PDGFB: variants seen among roughly 807,000 people sequenced by gnomAD.
PDGFB encodes the protein platelet-derived growth factor subunit B.
In PDGFB, 6 loss-of-function variants were observed where a neutral mutation model predicts 29.0. The ratio of observed to expected loss-of-function variants is 0.21; its 90% confidence interval spans 0.11 to 0.41. The LOEUF (loss-of-function observed/expected upper bound fraction) is 0.41, where lower values mean the gene tolerates loss of function less well. Ranked by LOEUF, PDGFB falls within the 10% of genes least tolerant of loss-of-function variation. The pLI is 1.00. For missense variants in PDGFB, 299 were observed against 341.8 expected (o/e 0.87, Z 0.99); for synonymous variants, 144 against 140.8 (o/e 1.02, Z -0.16).
chr22:39,233,439 G>T lies in PDGFB; in HGVS notation c.246C>A (p.Ser82Arg). Residue 82 changes from serine to arginine, a missense_variant, in exon 3 of 7, where the codon AGC (serine) becomes AGA (arginine). Transcript: ENST00000331163. ...TGTTGGGTGTCTCAGTCTTACCCAG[G>T]CTCCTTCTTCCACGAGCCAAGCTCT... ...ELESLARGRR[S>R]LGSLTIAEPA... 6.3e-7 allele frequency: 1 copy of T among 1,594,904 alleles called. No individual in the cohort carries two copies. Among genetic ancestry groups the T allele is most frequent in the Non-Finnish European group, 8.5e-7 (1 of 1,171,204 alleles).
intron 1 of PDGFB, chr22:39,240,905 T>C (rs754577424): frequency 1.2e-6 from 2 of 1,603,750 alleles, no homozygotes; most frequent in Non-Finnish European, 1.7e-6. Flanking sequence ...TCTCTCTCTC[T>C]CTCTCTCTCA....
At chr22:39,241,146 G>A (rs1044055259) in intron 1 of PDGFB, 15 of 546,422 alleles carry the variant, frequency 2.7e-5, no homozygotes, top group South Asian at 6.7e-5. Flanking sequence ...GGCCAGACGC[G>A]TCACGTGACA....
At position 39,223,896 on chromosome 22, in the gene PDGFB, TCTTTTCCCTTCTCTCCC is replaced by T. The variant is rs1279169339; in HGVS notation, c.*1429_*1445del. The T allele has an allele frequency of 6.6e-6, 1 of 152,100 alleles. No individual in the cohort carries two copies. Among genetic ancestry groups the T allele is most frequent in the Non-Finnish European group, 1.5e-5 (1 of 68,020 alleles). The allele number at this position is 152,100 out of a possible 1,614,324, so 9.4% of individuals were successfully genotyped here. The stretch of plus-strand genomic sequence containing the variant: ...ATCCCACCCCAGGGGGTCTTGGGGA[TCTTTTCCCTTCTCTCCC>T]CCATTCCCAGCCCACGAGCTGGTTT... On this transcript the variant is annotated 3_prime_UTR_variant, in exon 7 of 7. Transcript: ENST00000331163.
chr22:39,236,518 G>A (rs6001512), intron 1 of PDGFB, among the ~76,000 whole-genome samples: 8,222 of 152,308 alleles, frequency 0.054, 335 homozygotes, highest in Non-Finnish European at 0.079. Flanking sequence ...AAGCTTACCC[G>A]TGCCCTGTGC....
In PDGFB at chr22:39,237,055, C is replaced by T. The variant is rs906095931; in HGVS notation, c.64-1181G>A. Among the ~76,000 whole-genome samples the T allele has an allele frequency of 2.0e-5, 3 of 152,092 alleles. No homozygotes were observed. The South Asian group carries it at 6.2e-4, about 32-fold the overall frequency. ...ATTCCCGGAGCCGAAGGTCGGGGGGCTCAGAGGGGGTCGGTGCAGGCTACC... is the reference window on the plus strand; with the variant it reads ...ATTCCCGGAGCCGAAGGTCGGGGGGTTCAGAGGGGGTCGGTGCAGGCTACC... On this transcript the variant is annotated intron_variant, in intron 1 of 6. Transcript: ENST00000331163.
intron 1 of PDGFB, among the ~76,000 whole-genome samples, chr22:39,238,627 G>A (rs1932499693): frequency 6.6e-6 from 1 of 152,250 alleles, no homozygotes; most frequent in South Asian, 2.1e-4. Context: ...CAATTAGCAA[G>A]TGGCAGAGCT....
At chr22:39,229,564 C>T (rs900483379) in intron 5 of PDGFB, among the ~76,000 whole-genome samples, 2 of 152,176 alleles carry the variant, frequency 1.3e-5, no homozygotes, top group Non-Finnish European at 2.9e-5. Flanking sequence ...AGTTGATGTG[C>T]GCGGAGCTTT....
chr22:39,235,781 C>G lies in PDGFB; in HGVS notation c.157G>C (p.Gly53Arg). 1 of 1,610,910 alleles carries G rather than the reference C, an allele frequency of 6.2e-7. No individual in the cohort carries two copies. ...GCGGGGCGAGGATTCCATTTACCTC[C>G]GGGGTCTCCGTGCAGCAGGCGTTGG... Reference protein sequence around the residue: ...DLQRLLHGDPGEEDGAELDLN... With the variant: ...DLQRLLHGDPREEDGAELDLN... The change falls in exon 2 of 7, where the codon GGA becomes CGA. Residue 53 changes from glycine (G) to arginine (R), a missense_variant. By Grantham distance (125) the Gly-to-Arg change is moderately radical. Transcript: ENST00000331163.
At position 39,242,789 on chromosome 22, in the gene PDGFB, C is replaced by T. The variant is rs937538632; in HGVS notation, c.63+1112G>A. 3.0e-5 allele frequency: 7 copies of T among 230,906 alleles called. No individual in the cohort carries two copies. The highest frequency in any genetic ancestry group is 5.1e-5 in the Non-Finnish European group (6 of 116,562). 14.3% of individuals were successfully genotyped at this position (230,906 alleles called of 1,614,324 possible). ...CGCAGGGGCCGACCCTCCCCGGGAG[C>T]CGGCGAGGTGCGGGCGAGGTGCGGA... On this transcript the variant is annotated intron_variant, in intron 1 of 6. Coordinates refer to ENST00000331163, the MANE Select transcript of PDGFB (RefSeq NM_002608.4). The surrounding 1 kb of genome is among the most constrained non-coding windows in gnomAD (Gnocchi z 5.7).
chr22:39,239,766 G>C (rs191469622), intron 1 of PDGFB, among the ~76,000 whole-genome samples: 1 of 152,188 alleles, frequency 6.6e-6, no homozygotes, highest in Non-Finnish European at 1.5e-5. Context: ...GGAAGGGCAC[G>C]AGCGAGCGTG....
rs1932608560 is a variant in PDGFB at position 39,243,183 on chromosome 22, C to T, written c.63+718G>A. On this transcript the variant is annotated intron_variant, in intron 1 of 6. Transcript: ENST00000331163. This position sits in a 1 kb window ranked among gnomAD's most constrained non-coding sequence, Gnocchi z 6.4. The stretch of plus-strand genomic sequence containing the variant: ...TCCTTCAGAGCCCCTAGTCCTCCCC[C>T]TACCCGAGTGCCCGAAACCTACCTG... Among the ~76,000 whole-genome samples the T allele has an allele frequency of 6.6e-6, 1 of 152,180 alleles. No homozygotes were observed. The highest frequency in any genetic ancestry group is 6.5e-5 in the Admixed American group (1 of 15,286).
chr22:39,237,349 G>A (rs1158533570), intron 1 of PDGFB, among the ~76,000 whole-genome samples: 1 of 152,150 alleles, frequency 6.6e-6, no homozygotes, highest in East Asian at 1.9e-4. Context: ...AAACCCCTGA[G>A]TCTCCATGTC....
intron 5 of PDGFB, 149 bp downstream of exon 5, chr22:39,229,935 C>G (rs1448101562): frequency 1.0e-6 from 1 of 971,562 alleles, no homozygotes; most frequent in African/African-American, 1.6e-5. Flanking sequence ...AGGGAGGAAC[C>G]TGGCTTGTGT....
At position 39,231,793 on chromosome 22, in the gene PDGFB, G is replaced by A. The variant is rs147036196; in HGVS notation, c.285C>T (p.Ala95=). Residue 95 remains alanine, a synonymous_variant, in exon 4 of 7, where the codon GCC becomes GCT. Transcript: ENST00000331163. This position sits in a 1 kb window ranked among gnomAD's most constrained non-coding sequence, Gnocchi z 4.3. Reference sequence around the variant, plus strand: ...ACACCTCGGTGCGCGTCTTGCACTCGGCGATCATGGCCGGCTCAGCAATGG... The same window carrying A: ...ACACCTCGGTGCGCGTCTTGCACTCAGCGATCATGGCCGGCTCAGCAATGG... ...SLTIAEPAMI[A]ECKTRTEVFE... 6.3e-5 allele frequency: 101 copies of A among 1,613,622 alleles called. No homozygotes were observed. In the African/African-American group the frequency reaches 8.3e-4, roughly 13 times the overall value.
intron 5 of PDGFB, among the ~76,000 whole-genome samples, chr22:39,226,799 T>C (rs1932177808): frequency 6.6e-6 from 1 of 152,204 alleles, no homozygotes; most frequent in Non-Finnish European, 1.5e-5. Context: ...CAGTTGTGCC[T>C]GTCACCTACC....
At chr22:39,233,576 C>G in intron 2 of PDGFB, 52 bp from the exon 3 acceptor site, 1 of 1,334,020 alleles carries the variant, frequency 7.5e-7, no homozygotes, top group Non-Finnish European at 1.0e-6. Context: ...TGGGCAGGGG[C>G]TCCCTCCGCC....
Position 39,225,749 on chromosome 22 carries a change from C to A in PDGFB, c.700G>T (p.Ala234Ser), listed in dbSNP as rs201229710. ...TAGGCTCCAAGGGTCTCCTTCAGTG[C>A]CGTCTTGTCATGCGTGTGCTTGAAT... ...RKFKHTHDKTALKETLGA is the reference protein window; with the variant it reads ...RKFKHTHDKTSLKETLGA The change falls in exon 6 of 7, where the codon GCA becomes TCA. Residue 234 changes from alanine (A) to serine (S), a missense_variant. By Grantham distance (99) the Ala-to-Ser change is moderately conservative. Coordinates refer to ENST00000331163, the MANE Select transcript of PDGFB (RefSeq NM_002608.4). 1 of 1,614,144 alleles carries A rather than the reference C, an allele frequency of 6.2e-7. No homozygotes were observed. Among genetic ancestry groups the A allele is most frequent in the African/African-American group, 1.3e-5 (1 of 75,066 alleles).
rs1034627403 is a variant in PDGFB, at chr22:39,243,150, G to A, written c.63+751C>T. 1 of 233,044 alleles carries A rather than the reference G, an allele frequency of 4.3e-6. No individual in the cohort carries two copies. The highest frequency in any genetic ancestry group is 6.0e-5 in the East Asian group (1 of 16,578). 14.4% of individuals were successfully genotyped at this position (233,044 alleles called of 1,614,324 possible). A position where few individuals can be genotyped will look rare whatever the true frequency, so the allele number is the denominator to read the frequency against. On this transcript the variant is annotated intron_variant, in intron 1 of 6. Coordinates refer to ENST00000331163, the MANE Select transcript of PDGFB (RefSeq NM_002608.4). The surrounding 1 kb of genome is among the most constrained non-coding windows in gnomAD (Gnocchi z 6.4). ...GGCCTCAGGCACACAGCGCCCCGGGGGCTGGATTCCTTCAGAGCCCCTAGT... is the reference window on the plus strand; with the variant it reads ...GGCCTCAGGCACACAGCGCCCCGGGAGCTGGATTCCTTCAGAGCCCCTAGT...
At chr22:39,240,886 CTCAG>C (rs745325869) in intron 1 of PDGFB, 18 of 1,611,550 alleles carry the variant, frequency 1.1e-5, no homozygotes, top group Non-Finnish European at 1.4e-5. Flanking sequence ...ACCATTCCTG[CTCAG>C]TCAGTCTCTC....
Sources: allele counts gnomAD v4.1 joint callset (sites outside exome capture counted in the v4.1 genomes callset), GRCh38; gene constraint gnomAD v4.1.1; non-coding constraint Gnocchi (gnomAD v3.1); transcripts MANE v1.5; gene names NCBI Gene and HGNC (gene_info 2026-07-23, HGNC 2026-07-21).